The following FSTL5 variants were observed in gnomAD, a reference collection of about 807,000 sequenced individuals.
The protein encoded by FSTL5 is follistatin-related protein 5.
Under a neutral mutation model 89.1 loss-of-function variants are expected in FSTL5, and 62 were observed. That is an observed-to-expected ratio of 0.70 (90% CI 0.57 to 0.86). FSTL5 has a LOEUF of 0.86. Among genes scored for constraint, FSTL5 ranks in the 40% least tolerant of loss-of-function variants. The pLI is 0.00. For synonymous variants in FSTL5, 383 were observed against 346.2 expected, an observed-to-expected ratio of 1.11 and a Z score of -1.18; for missense variants, 1,057 against 1,001.6, an observed-to-expected ratio of 1.06 and a Z score of -0.75.
At chr4:162,141,900 T>C (rs1360684312) in intron 1 of FSTL5, among the ~76,000 whole-genome samples, 2 of 151,870 alleles carry the variant, frequency 1.3e-5, no homozygotes, top group Admixed American at 6.6e-5. Flanking sequence ...TAGAAAAAAG[T>C]GTACACAGGT....
intron 8 of FSTL5, among the ~76,000 whole-genome samples, chr4:161,551,634 A>G (rs1732216441): frequency 6.6e-6 from 1 of 152,042 alleles, no homozygotes; most frequent in South Asian, 2.1e-4. Flanking sequence ...GTACCAAAAC[A>G]GAGATATAGA....
chr4:161,451,227 T>C (rs1733153291), intron 15 of FSTL5, among the ~76,000 whole-genome samples: 1 of 152,034 alleles, frequency 6.6e-6, no homozygotes. Context: ...ATGGTTTCCA[T>C]AATTTATTAA....
chr4:162,128,519 G>T (rs1362141687), intron 1 of FSTL5, among the ~76,000 whole-genome samples: 1 of 152,214 alleles, frequency 6.6e-6, no homozygotes, highest in African/African-American at 2.4e-5. Flanking sequence ...CACAAAGTAG[G>T]CCCTCACCAG....
chr4:162,125,737 G>T, intron 1 of FSTL5, among the ~76,000 whole-genome samples: 1 of 151,776 alleles, frequency 6.6e-6, no homozygotes, highest in Admixed American at 6.6e-5. Flanking sequence ...ATTTACTTTA[G>T]GTGTTTATTA....
chr4:161,649,180 A>T (rs1201024814), intron 7 of FSTL5, among the ~76,000 whole-genome samples: 3 of 152,156 alleles, frequency 2.0e-5, no homozygotes, highest in Non-Finnish European at 4.4e-5. Context: ...AACCCTGAAA[A>T]CCTATATAAT....
At chr4:161,559,676 T>C (rs191028018) in intron 8 of FSTL5, among the ~76,000 whole-genome samples, 43 of 152,054 alleles carry the variant, frequency 2.8e-4, no homozygotes, top group Middle Eastern at 6.8e-3. Flanking sequence ...TTGAAGGAGA[T>C]TTTATGTATA....
chr4:162,001,598 TTG>T (rs34546507), intron 3 of FSTL5, among the ~76,000 whole-genome samples: 16,338 of 149,928 alleles, frequency 0.11, 1,043 homozygotes, highest in East Asian at 0.2. Flanking sequence ...GATACATGCA[TTG>T]TGTGTGTGTG....
chr4:161,397,229 T>C (rs1354494819), intron 15 of FSTL5, among the ~76,000 whole-genome samples: 2 of 152,116 alleles, frequency 1.3e-5, no homozygotes, highest in East Asian at 3.8e-4. Flanking sequence ...TTTTATATAG[T>C]CCTTGTATAT....
intron 14 of FSTL5, among the ~76,000 whole-genome samples, chr4:161,457,745 T>G (rs1357328294): frequency 6.6e-6 from 1 of 152,146 alleles, no homozygotes; most frequent in African/African-American, 2.4e-5. Flanking sequence ...AAAAATCATA[T>G]ATATATTGAC....
intron 4 of FSTL5, among the ~76,000 whole-genome samples, chr4:161,910,126 A>G (rs969960155): frequency 5.1e-4 from 77 of 152,224 alleles, no homozygotes; most frequent in African/African-American, 1.6e-3. Context: ...CGATTAATTC[A>G]GCCCAATCTT....
intron 3 of FSTL5, among the ~76,000 whole-genome samples, chr4:161,999,160 A>T (rs1736388491): frequency 6.6e-6 from 1 of 152,162 alleles, no homozygotes; most frequent in African/African-American, 2.4e-5. Context: ...AAATACATTA[A>T]TTTTTTATTT....
chr4:162,158,090 A>G (rs1733554301), intron 1 of FSTL5, among the ~76,000 whole-genome samples: 1 of 152,106 alleles, frequency 6.6e-6, no homozygotes, highest in Non-Finnish European at 1.5e-5. Flanking sequence ...TCAAAACTTT[A>G]GTAGCTAAGT....
chr4:161,978,206 T>A (rs1303147247), intron 3 of FSTL5, among the ~76,000 whole-genome samples: 2 of 152,186 alleles, frequency 1.3e-5, no homozygotes, highest in African/African-American at 4.8e-5. Flanking sequence ...CCCATTTAAG[T>A]AAAGTACAAT....
intron 4 of FSTL5, among the ~76,000 whole-genome samples, chr4:161,846,680 A>C (rs912216418): frequency 6.6e-6 from 1 of 152,062 alleles, no homozygotes; most frequent in African/African-American, 2.4e-5. Context: ...TGTCATTGAC[A>C]TTTTACAGAT....
Position 161,989,414 on chromosome 4 carries a change from A to C in FSTL5, c.160+44211T>G, listed in dbSNP as rs138559249. 1.2e-4 allele frequency among the ~76,000 whole-genome samples: 19 copies of C among 152,318 alleles called. No individual in the cohort carries two copies. The East Asian group carries it at 3.7e-3, about 29-fold the overall frequency. Reference sequence around the variant, plus strand: ...AAAATGAAAATGTCTTAGTACTTTCAATCAAGATATCAAAAATATTACAGC... The same window carrying C: ...AAAATGAAAATGTCTTAGTACTTTCCATCAAGATATCAAAAATATTACAGC... On this transcript the variant is annotated intron_variant, in intron 3 of 15. Transcript: ENST00000306100.
intron 4 of FSTL5, among the ~76,000 whole-genome samples, chr4:161,859,747 G>A (rs934999610): frequency 1.3e-5 from 2 of 152,144 alleles, no homozygotes; most frequent in Non-Finnish European, 2.9e-5. Flanking sequence ...CAACCCATGT[G>A]AGGTAGCAGA....
chr4:162,105,116 T>C (rs1192448378), intron 2 of FSTL5, among the ~76,000 whole-genome samples: 1 of 152,204 alleles, frequency 6.6e-6, no homozygotes, highest in Non-Finnish European at 1.5e-5. Flanking sequence ...TTGTATATAT[T>C]TAAAATGTAC....
chr4:161,619,642 C>T (rs1231216221), intron 7 of FSTL5, among the ~76,000 whole-genome samples: 1 of 152,060 alleles, frequency 6.6e-6, no homozygotes, highest in East Asian at 1.9e-4. Context: ...CAATGAGATA[C>T]CATCTCACAC....
intron 8 of FSTL5, among the ~76,000 whole-genome samples, chr4:161,579,950 G>C (rs879788699): frequency 2.0e-5 from 3 of 151,920 alleles, no homozygotes; most frequent in Non-Finnish European, 4.4e-5. Flanking sequence ...TAAACTTTTG[G>C]ACTTTCTTTA....
Sources: allele counts gnomAD v4.1 joint callset (sites outside exome capture counted in the v4.1 genomes callset), GRCh38; gene constraint gnomAD v4.1.1; transcripts MANE v1.5; gene names NCBI Gene and HGNC (gene_info 2026-07-23, HGNC 2026-07-21).